The following ENOX1 variants were observed in gnomAD, a reference collection of about 807,000 sequenced individuals.
ENOX1 encodes candidate growth-related and time keeping constitutive hydroquinone (NADH) oxidase.
ENOX1 carries 42 observed loss-of-function variants against 82.5 expected under a neutral mutation model. The observed-to-expected ratio is 0.51, with a 90% CI of 0.40 to 0.66. The LOEUF (loss-of-function observed/expected upper bound fraction) is 0.66, where lower values mean the gene tolerates loss of function less well. Among genes scored for constraint, ENOX1 ranks in the 30% least tolerant of loss-of-function variants. The pLI, the probability that ENOX1 is intolerant of heterozygous loss-of-function variation, is 0.00. For synonymous variants in ENOX1, 271 were observed against 282.2 expected, an observed-to-expected ratio of 0.96 and a Z score of 0.40; for missense variants, 608 against 811.6, an observed-to-expected ratio of 0.75 and a Z score of 3.05.
chr13:43,310,156 G>A (rs1276395328), intron 11 of ENOX1, among the ~76,000 whole-genome samples: 3 of 116,700 alleles, frequency 2.6e-5, no homozygotes, highest in Admixed American at 2.6e-4. Context: ...CCGAGATCAC[G>A]CCATTGCACT....
At chr13:43,455,452 G>T (rs565547168) in intron 3 of ENOX1, among the ~76,000 whole-genome samples, 1 of 152,204 alleles carries the variant, frequency 6.6e-6, no homozygotes, top group South Asian at 2.1e-4. Flanking sequence ...GCACTTTATG[G>T]TCTCTGAAAA....
rs143066282 is a variant in ENOX1 at position 43,506,243 on chromosome 13, C to T, written c.-218-22091G>A. 9.7e-3 allele frequency among the ~76,000 whole-genome samples: 1,480 copies of T among 152,034 alleles called. 12 individuals are homozygous for T. Among genetic ancestry groups the T allele is most frequent in the Non-Finnish European group, 0.013 (855 of 67,926 alleles). ...AAAAAACACCTGAAAAAATGCTCAT[C>T]ATTACTGGCCATCAGAGAAATGCAA... On this transcript the variant is annotated intron_variant, in intron 2 of 16. Transcript: ENST00000690772.
At chr13:43,520,764 G>C (rs1318225288) in intron 2 of ENOX1, among the ~76,000 whole-genome samples, 6 of 152,182 alleles carry the variant, frequency 3.9e-5, no homozygotes, top group Non-Finnish European at 1.5e-5. Context: ...GTGGCAGCAA[G>C]CAAGTCTAGG....
intron 2 of ENOX1, among the ~76,000 whole-genome samples, chr13:43,650,141 T>C (rs1367660274): frequency 6.6e-6 from 1 of 152,176 alleles, no homozygotes; most frequent in Non-Finnish European, 1.5e-5. Flanking sequence ...AGGGAAGCCA[T>C]TTCCACTCTT....
rs1428353785 is a variant in ENOX1, at chr13:43,460,821, AAAAAAAAAAT to A, written c.-75+23178_-75+23187del. On this transcript the variant is annotated intron_variant, in intron 3 of 16. Coordinates refer to ENST00000690772, the MANE Select transcript of ENOX1 (RefSeq NM_001347969.2). ...AAAAAAAAAAAAAAAAAAAAAAAAA[AAAAAAAAAAT>A]AGGGATAGCTCTCTACAAACCAAGG... 3.3e-3 allele frequency among the ~76,000 whole-genome samples: 74 copies of A among 22,736 alleles called. 17 individuals are homozygous for A. Among genetic ancestry groups the A allele is most frequent in the African/African-American group, 0.011 (71 of 6,320 alleles). 14.9% of individuals were successfully genotyped at this position (22,736 alleles called of 152,430 possible). A position where few individuals can be genotyped will look rare whatever the true frequency, so the allele number is the denominator to read the frequency against.
At chr13:43,301,978 CTTCTCT>C (rs1416523139) in intron 11 of ENOX1, among the ~76,000 whole-genome samples, 5 of 152,040 alleles carry the variant, frequency 3.3e-5, no homozygotes, top group Non-Finnish European at 5.9e-5. Context: ...ATTTCTCTCT[CTTCTCT>C]TTCTTTCTTT....
At chr13:43,601,016 A>C (rs567702550) in intron 2 of ENOX1, among the ~76,000 whole-genome samples, 1 of 152,262 alleles carries the variant, frequency 6.6e-6, no homozygotes, top group South Asian at 2.1e-4. Flanking sequence ...AAAAACTTAT[A>C]ACACTAACAT....
intron 14 of ENOX1, among the ~76,000 whole-genome samples, chr13:43,245,265 A>G (rs993244683): frequency 2.0e-5 from 3 of 152,212 alleles, no homozygotes; most frequent in Non-Finnish European, 4.4e-5. Context: ...GTACAAAGAC[A>G]GGATTGAAGT....
intron 12 of ENOX1, among the ~76,000 whole-genome samples, chr13:43,271,368 TTC>T (rs1484721500): frequency 6.6e-6 from 1 of 152,050 alleles, no homozygotes; most frequent in Non-Finnish European, 1.5e-5. Flanking sequence ...AAAAAATACA[TTC>T]AGGTTACAAA....
chr13:43,402,516 A>T (rs2053555414), intron 5 of ENOX1, among the ~76,000 whole-genome samples: 1 of 152,244 alleles, frequency 6.6e-6, no homozygotes, highest in Non-Finnish European at 1.5e-5. Context: ...CCCATAGAAG[A>T]AGTCCAGCAC....
At chr13:43,221,222 C>T (rs1349663873) in intron 16 of ENOX1, among the ~76,000 whole-genome samples, 2 of 152,174 alleles carry the variant, frequency 1.3e-5, no homozygotes, top group Non-Finnish European at 2.9e-5. Context: ...GGCAACCAGA[C>T]ACGCTTGGAA....
intron 14 of ENOX1, among the ~76,000 whole-genome samples, chr13:43,253,326 T>C (rs1175290878): frequency 6.6e-6 from 1 of 152,254 alleles, no homozygotes; most frequent in African/African-American, 2.4e-5. Flanking sequence ...ACTTTTTTCC[T>C]TGTCATTTTC....
chr13:43,254,950 A>G (rs2043661597), intron 14 of ENOX1, among the ~76,000 whole-genome samples: 1 of 152,176 alleles, frequency 6.6e-6, no homozygotes, highest in African/African-American at 2.4e-5. Context: ...GAATTCTACC[A>G]CATATTAAAA....
intron 1 of ENOX1, among the ~76,000 whole-genome samples, chr13:43,680,418 A>G (rs2153797139): frequency 6.6e-6 from 1 of 152,294 alleles, no homozygotes; most frequent in South Asian, 2.1e-4. Context: ...CTTCAGTTCA[A>G]TTCAAAGTAT....
intron 2 of ENOX1, among the ~76,000 whole-genome samples, chr13:43,552,944 C>T (rs1278064060): frequency 6.6e-6 from 1 of 152,052 alleles, no homozygotes; most frequent in Non-Finnish European, 1.5e-5. Flanking sequence ...AAGGATATTG[C>T]TCCTTCCTAA....
At chr13:43,393,139 T>G (rs1427365156) in intron 5 of ENOX1, among the ~76,000 whole-genome samples, 3 of 152,238 alleles carry the variant, frequency 2.0e-5, no homozygotes, top group Non-Finnish European at 4.4e-5. Context: ...ATTGTATTTT[T>G]TAATTGCTGC....
At chr13:43,239,137 G>A (rs7992101) in intron 14 of ENOX1, among the ~76,000 whole-genome samples, 63 of 152,290 alleles carry the variant, frequency 4.1e-4, no homozygotes, top group African/African-American at 1.3e-3. Flanking sequence ...GGAGAGATAA[G>A]AGTCTTAGGG....
intron 12 of ENOX1, among the ~76,000 whole-genome samples, chr13:43,270,429 C>T (rs551819848): frequency 3.9e-5 from 6 of 152,144 alleles, no homozygotes; most frequent in Non-Finnish European, 8.8e-5. Context: ...ATAACAATTG[C>T]TGTACTAATG....
intron 2 of ENOX1, among the ~76,000 whole-genome samples, chr13:43,616,105 T>C (rs2082408829): frequency 1.8e-5 from 1 of 55,088 alleles, no homozygotes; most frequent in African/African-American, 5.6e-5. Flanking sequence ...TCTATATAGA[T>C]AGATATCTAT....
Sources: allele counts gnomAD v4.1 joint callset (sites outside exome capture counted in the v4.1 genomes callset), GRCh38; gene constraint gnomAD v4.1.1; transcripts MANE v1.5; gene names NCBI Gene and HGNC (gene_info 2026-07-23, HGNC 2026-07-21).